Variants in SEMA5A observed in about 807,000 individuals in gnomAD.
The protein encoded by SEMA5A is semaphorin 5A.
A neutral mutation model predicts 135.5 loss-of-function variants in SEMA5A; 55 were observed. That is an observed-to-expected ratio of 0.41 (90% CI 0.33 to 0.51). The LOEUF (loss-of-function observed/expected upper bound fraction) is 0.51, where lower values mean the gene tolerates loss of function less well. SEMA5A is among the 20% of genes least tolerant of loss of function. The pLI, the probability that SEMA5A is intolerant of heterozygous loss-of-function variation, is 0.37. For synonymous variants in SEMA5A, 580 were observed against 546.5 expected (o/e 1.06, Z -0.85); for missense variants, 1,290 against 1,419.9 (o/e 0.91, Z 1.47).
intron 2 of SEMA5A, among the ~76,000 whole-genome samples, chr5:9,391,463 C>T (rs1756157795): frequency 6.6e-6 from 1 of 152,182 alleles, no homozygotes. Context: ...AAAGAATTGC[C>T]TCCCAACTAA....
intron 11 of SEMA5A, among the ~76,000 whole-genome samples, chr5:9,161,902 G>C (rs1010936870): frequency 1.3e-5 from 2 of 152,194 alleles, no homozygotes; most frequent in African/African-American, 4.8e-5. Flanking sequence ...ACAGCTCACA[G>C]CTACACGGCC....
chr5:9,202,503 T>C (rs772018284), intron 8 of SEMA5A, among the ~76,000 whole-genome samples: 1 of 152,198 alleles, frequency 6.6e-6, no homozygotes, highest in Non-Finnish European at 1.5e-5. Context: ...CTCAAGTTAA[T>C]GGGACGTTAA....
rs138190095 is a variant in SEMA5A, at chr5:9,099,804, T to C, written c.2073+8336A>G. On this transcript the variant is annotated intron_variant, in intron 16 of 22. Coordinates refer to ENST00000382496, the MANE Select transcript of SEMA5A (RefSeq NM_003966.3). ...GTGGATTTTGGGGAGATGAGCCCCT[T>C]GGTGTCCTTAGCTCTGTCTCCCTGC... Among the ~76,000 whole-genome samples, 328 of 152,286 alleles carry C rather than the reference T, an allele frequency of 2.2e-3. 5 individuals carry two copies. Among genetic ancestry groups the C allele is most frequent in the African/African-American group, 7.0e-3 (292 of 41,552 alleles).
chr5:9,059,836 C>T (rs187047493), intron 18 of SEMA5A, among the ~76,000 whole-genome samples: 1 of 152,204 alleles, frequency 6.6e-6, no homozygotes, highest in Non-Finnish European at 1.5e-5. Flanking sequence ...AAGTGTGAGC[C>T]TCCATGCCCG....
chr5:9,423,471 C>T (rs763932617), intron 2 of SEMA5A, among the ~76,000 whole-genome samples: 10 of 152,340 alleles, frequency 6.6e-5, no homozygotes, highest in Non-Finnish European at 1.2e-4. Flanking sequence ...CACAACCCAC[C>T]GCTTCTCAAC....
chr5:9,530,426 T>A (rs963936801), intron 1 of SEMA5A, among the ~76,000 whole-genome samples: 3 of 152,158 alleles, frequency 2.0e-5, no homozygotes, highest in Non-Finnish European at 2.9e-5. Context: ...ACATGCAAAT[T>A]TATAAACTCT....
At chr5:9,189,218 T>C (rs1276745426) in intron 11 of SEMA5A, among the ~76,000 whole-genome samples, 1 of 152,350 alleles carries the variant, frequency 6.6e-6, no homozygotes, top group African/African-American at 2.4e-5. Flanking sequence ...ATCTGCTGTG[T>C]CTGCTCACCG....
intron 15 of SEMA5A, among the ~76,000 whole-genome samples, chr5:9,112,499 A>AT (rs1740295690): frequency 6.6e-6 from 1 of 152,178 alleles, no homozygotes; most frequent in African/African-American, 2.4e-5. Flanking sequence ...ACTGCTATAA[A>AT]TTTTTATGGC....
chr5:9,137,845 C>A (rs925689139), intron 12 of SEMA5A, among the ~76,000 whole-genome samples: 2 of 152,116 alleles, frequency 1.3e-5, no homozygotes, highest in African/African-American at 4.8e-5. Flanking sequence ...ATATATAAAG[C>A]AGTTTTCTAA....
intron 1 of SEMA5A, among the ~76,000 whole-genome samples, chr5:9,473,834 T>C (rs534367647): frequency 7.0e-4 from 106 of 152,280 alleles, no homozygotes; most frequent in African/African-American, 2.4e-3. Flanking sequence ...AGAAGCCATG[T>C]GTTCTCATGA....
At chr5:9,386,798 T>C (rs933131906) in intron 2 of SEMA5A, among the ~76,000 whole-genome samples, 11 of 152,228 alleles carry the variant, frequency 7.2e-5, no homozygotes, top group African/African-American at 2.7e-4. Flanking sequence ...CAATGCCAAG[T>C]GTATGTGCTC....
chr5:9,501,916 G>A (rs560163770), intron 1 of SEMA5A, among the ~76,000 whole-genome samples: 27 of 152,176 alleles, frequency 1.8e-4, no homozygotes, highest in Middle Eastern at 3.4e-3. Flanking sequence ...TCATCCACCC[G>A]TAGAAAACAT....
At chr5:9,166,349 C>A (rs972146334) in intron 11 of SEMA5A, among the ~76,000 whole-genome samples, 1 of 152,074 alleles carries the variant, frequency 6.6e-6, no homozygotes, top group Non-Finnish European at 1.5e-5. Flanking sequence ...AATCACAGGC[C>A]GTGTGACCGA....
intron 18 of SEMA5A, among the ~76,000 whole-genome samples, chr5:9,062,234 C>T (rs1298379216): frequency 6.6e-6 from 1 of 152,120 alleles, no homozygotes; most frequent in African/African-American, 2.4e-5. Context: ...GACAAATGTG[C>T]CCAGGGCCCA....
chr5:9,287,960 T>A (rs571556530), intron 5 of SEMA5A, among the ~76,000 whole-genome samples: 1 of 152,326 alleles, frequency 6.6e-6, no homozygotes, highest in African/African-American at 2.4e-5. Flanking sequence ...CTGAATATTC[T>A]GAATACCAGA....
intron 1 of SEMA5A, among the ~76,000 whole-genome samples, chr5:9,524,982 G>C (rs1412986599): frequency 8.5e-5 from 13 of 152,270 alleles, no homozygotes; most frequent in East Asian, 3.9e-4. Flanking sequence ...AGAGATTTCA[G>C]AGGATACTAA....
chr5:9,400,500 C>CTTTTTTTT (rs1176889691), intron 2 of SEMA5A, among the ~76,000 whole-genome samples: 2 of 85,400 alleles, frequency 2.3e-5, no homozygotes, highest in Admixed American at 1.4e-4. Flanking sequence ...ACACAATGTA[C>CTTTTTTTT]ATTTTTTTTT....
chr5:9,112,442 A>G (rs1740293031), intron 15 of SEMA5A, among the ~76,000 whole-genome samples: 1 of 152,126 alleles, frequency 6.6e-6, no homozygotes, highest in African/African-American at 2.4e-5. Flanking sequence ...CTTCTGAACT[A>G]TTTTCTTCTT....
At chr5:9,348,333 T>A (rs539911441) in intron 3 of SEMA5A, among the ~76,000 whole-genome samples, 1 of 152,334 alleles carries the variant, frequency 6.6e-6, no homozygotes, top group Admixed American at 6.5e-5. Flanking sequence ...TTTCTACTCA[T>A]CCATCAGGAA....
Sources: allele counts gnomAD v4.1 joint callset (sites outside exome capture counted in the v4.1 genomes callset), GRCh38; gene constraint gnomAD v4.1.1; transcripts MANE v1.5; gene names NCBI Gene and HGNC (gene_info 2026-07-23, HGNC 2026-07-21).